The following HELZ variants were observed in gnomAD, a reference collection of about 807,000 sequenced individuals.
HELZ encodes helicase with zinc finger.
In HELZ, 23 loss-of-function variants were observed where a neutral mutation model predicts 218.2. The ratio of observed to expected loss-of-function variants is 0.11; its 90% CI spans 0.08 to 0.15. HELZ has a LOEUF of 0.15. Among genes scored for constraint, HELZ ranks in the 10% least tolerant of loss-of-function variants. HELZ has a pLI of 1.00. For synonymous variants in HELZ, 814 were observed against 829.4 expected (o/e 0.98, Z 0.32); for missense variants, 1,813 against 2,353.7 (o/e 0.77, Z 4.75).
chr17:67,224,122 C>T (rs1268688811), intron 3 of HELZ, among the ~76,000 whole-genome samples: 1 of 152,138 alleles, frequency 6.6e-6, no homozygotes, highest in East Asian at 1.9e-4. Flanking sequence ...CTGGCCAATC[C>T]GAGCCTCACA....
intron 12 of HELZ, among the ~76,000 whole-genome samples, chr17:67,180,555 C>G (rs2039577791): frequency 6.6e-6 from 1 of 152,056 alleles, no homozygotes; most frequent in South Asian, 2.1e-4. Flanking sequence ...AACAGCATAG[C>G]CAACATGGAG....
At chr17:67,127,528 T>C (rs1470207203) in intron 24 of HELZ, among the ~76,000 whole-genome samples, 3 of 152,200 alleles carry the variant, frequency 2.0e-5, no homozygotes, top group Non-Finnish European at 4.4e-5. Flanking sequence ...AATATTAAAC[T>C]CTTAATTACT....
intron 3 of HELZ, among the ~76,000 whole-genome samples, chr17:67,222,041 T>C (rs922346427): frequency 2.6e-5 from 4 of 152,000 alleles, no homozygotes; most frequent in African/African-American, 7.2e-5. Flanking sequence ...AGGGTTTCAA[T>C]GTGTGGCCTA....
chr17:67,086,761 A>C, intron 32 of HELZ, 68 bp downstream of exon 32: 3 of 1,558,126 alleles, frequency 1.9e-6, no homozygotes, highest in Non-Finnish European at 2.6e-6. Flanking sequence ...GTGGTATAGA[A>C]GAAAAACTCC....
intron 3 of HELZ, among the ~76,000 whole-genome samples, chr17:67,227,123 A>T (rs2040914384): frequency 6.6e-6 from 1 of 152,074 alleles, no homozygotes; most frequent in Admixed American, 6.6e-5. Context: ...AAAAACATCA[A>T]TTTTACTATA....
intron 31 of HELZ, among the ~76,000 whole-genome samples, chr17:67,088,581 C>T (rs1042138557): frequency 4.6e-5 from 7 of 152,276 alleles, no homozygotes; most frequent in South Asian, 2.1e-4. Context: ...AAAGCCGTGA[C>T]GAGAGCAATT....
intron 23 of HELZ, among the ~76,000 whole-genome samples, chr17:67,133,605 C>T (rs1395278209): frequency 1.3e-5 from 2 of 152,164 alleles, no homozygotes; most frequent in African/African-American, 2.4e-5. Context: ...GCCTCAACCT[C>T]CTGGGCTCAA....
chr17:67,126,346 T>C (rs1011170794), intron 24 of HELZ, among the ~76,000 whole-genome samples: 3 of 152,130 alleles, frequency 2.0e-5, no homozygotes, highest in Non-Finnish European at 4.4e-5. Context: ...TACTGTGTAG[T>C]ATACTAAATT....
intron 13 of HELZ, among the ~76,000 whole-genome samples, chr17:67,168,183 T>C (rs780142949): frequency 2.6e-5 from 4 of 152,076 alleles, no homozygotes; most frequent in Non-Finnish European, 5.9e-5. Flanking sequence ...TTTGACATGT[T>C]GGCCAGGCTG....
chr17:67,089,786 A>C (rs1269580931), intron 31 of HELZ, among the ~76,000 whole-genome samples: 188 of 150,278 alleles, frequency 1.3e-3, no homozygotes, highest in African/African-American at 4.1e-3. Context: ...TGCTAAATTC[A>C]CATTAGTTAC....
rs777581606 is a variant in HELZ at position 67,078,317 on chromosome 17, G to C, written c.5764C>G (p.Leu1922Val). ...CTCCCTAGGCTCAGTTCCTGGAAGA[G>C]AGACAGAGGGTCGCTACTCTTCTTG... ...QAKKSSDPLS[L>V]FQELSLGSSS... The change falls in exon 33 of 33, where the codon CTC becomes GTC. Residue 1922 changes from leucine to valine, a missense_variant. Leu to Val is a conservative substitution (Grantham distance 32, BLOSUM62 1). Coordinates refer to ENST00000358691, the MANE Select transcript of HELZ (RefSeq NM_014877.4). The C allele has an allele frequency of 1.9e-6, 3 of 1,613,990 alleles. No individual in the cohort carries two copies. Among genetic ancestry groups the C allele is most frequent in the African/African-American group, 2.7e-5 (2 of 74,942 alleles).
At chr17:67,214,944 G>A (rs1434623171) in intron 5 of HELZ, among the ~76,000 whole-genome samples, 2 of 152,136 alleles carry the variant, frequency 1.3e-5, no homozygotes, top group Non-Finnish European at 2.9e-5. Context: ...CCAGGAGTAA[G>A]AGACCAGTCT....
intron 5 of HELZ, among the ~76,000 whole-genome samples, chr17:67,208,701 G>A (rs2040368852): frequency 6.6e-6 from 1 of 152,014 alleles, no homozygotes. Context: ...AGGATTGCTT[G>A]AACCCAGTAG....
chr17:67,214,269 T>G (rs78667351), intron 5 of HELZ, among the ~76,000 whole-genome samples: 20 of 138,770 alleles, frequency 1.4e-4, no homozygotes, highest in Admixed American at 5.1e-4. Flanking sequence ...CTTTTTTTTT[T>G]TTTTTTTTTT....
chr17:67,119,510 G>A (rs545896892), intron 27 of HELZ, among the ~76,000 whole-genome samples: 4 of 151,798 alleles, frequency 2.6e-5, no homozygotes, highest in Admixed American at 2.6e-4. Context: ...GAAACTTTTT[G>A]TAAATATGTA....
At chr17:67,153,433 T>C (rs1226074326) in intron 17 of HELZ, among the ~76,000 whole-genome samples, 2 of 152,176 alleles carry the variant, frequency 1.3e-5, no homozygotes, top group Admixed American at 6.5e-5. Flanking sequence ...GTCAGTAAAA[T>C]TACAAAGATC....
chr17:67,235,335 T>C (rs889424709), intron 3 of HELZ, among the ~76,000 whole-genome samples: 5 of 151,908 alleles, frequency 3.3e-5, no homozygotes, highest in African/African-American at 1.2e-4. Context: ...TGAAACCCCG[T>C]CTCTACTAAA....
intron 22 of HELZ, among the ~76,000 whole-genome samples, chr17:67,136,725 T>C (rs932908990): frequency 2.0e-5 from 3 of 152,158 alleles, no homozygotes; most frequent in African/African-American, 4.8e-5. Flanking sequence ...ATTCCATTTA[T>C]ATGAGGTAGC....
chr17:67,180,440 T>C (rs931252068), intron 12 of HELZ, among the ~76,000 whole-genome samples: 1 of 152,154 alleles, frequency 6.6e-6, no homozygotes, highest in Non-Finnish European at 1.5e-5. Context: ...CTAACCACAT[T>C]TTCTTCCTAA....
Sources: gnomAD v4.1 joint callset for allele counts (sites outside exome capture counted in the v4.1 genomes callset) on GRCh38, gnomAD v4.1.1 for gene constraint, MANE v1.5 for transcripts, NCBI Gene and HGNC (gene_info 2026-07-23, HGNC 2026-07-21) for gene names.